GRID1: variants seen among roughly 807,000 people sequenced by gnomAD.
GRID1 encodes glutamate receptor ionotropic, delta-1.
GRID1 carries 28 observed loss-of-function variants against 98.0 expected under a neutral mutation model. The ratio of observed to expected loss-of-function variants is 0.29; its 90% CI spans 0.21 to 0.39. The LOEUF (loss-of-function observed/expected upper bound fraction) is 0.39. Among genes scored for constraint, GRID1 ranks in the 10% least tolerant of loss-of-function variants. The pLI is 1.00. For synonymous variants in GRID1, 553 were observed against 538.5 expected (o/e 1.03, Z -0.37); for missense variants, 1,111 against 1,340.5 (o/e 0.83, Z 2.67).
chr10:85,993,659 G>A (rs2131869830), intron 4 of GRID1, among the ~76,000 whole-genome samples: 1 of 152,242 alleles, frequency 6.6e-6, no homozygotes, highest in African/African-American at 2.4e-5. Flanking sequence ...GAAGAAGAAG[G>A]AGAAGAAAAT....
intron 5 of GRID1, among the ~76,000 whole-genome samples, chr10:85,878,085 A>T (rs1444402150): frequency 2.6e-5 from 4 of 152,204 alleles, no homozygotes; most frequent in African/African-American, 4.8e-5. Flanking sequence ...GAATAAAAAG[A>T]AAGGAACAAA....
chr10:85,913,907 G>C (rs1022099036), intron 5 of GRID1, among the ~76,000 whole-genome samples: 12 of 152,204 alleles, frequency 7.9e-5, no homozygotes, highest in Non-Finnish European at 1.8e-4. Flanking sequence ...ACATTTGGAG[G>C]AGGACACACT....
At chr10:85,886,365 T>A (rs1384117973) in intron 5 of GRID1, among the ~76,000 whole-genome samples, 1 of 152,188 alleles carries the variant, frequency 6.6e-6, no homozygotes, top group African/African-American at 2.4e-5. Context: ...TCTGAACCAT[T>A]TGTAAAGTGA....
chr10:86,090,639 A>AG (rs1844132296), intron 4 of GRID1, among the ~76,000 whole-genome samples: 1 of 152,188 alleles, frequency 6.6e-6, no homozygotes. Flanking sequence ...GAAACATGAC[A>AG]GACAGGAGGC....
At chr10:85,773,408 T>G (rs1389223221) in intron 8 of GRID1, among the ~76,000 whole-genome samples, 2 of 152,188 alleles carry the variant, frequency 1.3e-5, no homozygotes, top group Non-Finnish European at 1.5e-5. Flanking sequence ...CTTTGAAAAC[T>G]GGCACAAGAC....
chr10:86,233,140 G>A lies in GRID1; in HGVS notation c.236-26492C>T, dbSNP rs1195966236. On this transcript the variant is annotated intron_variant, in intron 2 of 15. Transcript: ENST00000327946. ...GGATGTGACACCCACTGAAGTGGCC[G>A]GCTGGAGCGTTTTAGGGAAAGCTGA... Among the ~76,000 whole-genome samples the A allele has an allele frequency of 4.1e-4, 62 of 151,966 alleles. 1 individual carries two copies. Among genetic ancestry groups the A allele is most frequent in the Admixed American group, 3.6e-3 (55 of 15,268 alleles).
At chr10:86,144,328 A>G (rs1344845060) in intron 3 of GRID1, among the ~76,000 whole-genome samples, 1 of 152,140 alleles carries the variant, frequency 6.6e-6, no homozygotes, top group Non-Finnish European at 1.5e-5. Flanking sequence ...CAGCACACAG[A>G]AAGTTCCAGA....
chr10:85,662,015 T>C (rs941916156), intron 12 of GRID1, among the ~76,000 whole-genome samples: 1 of 152,228 alleles, frequency 6.6e-6, no homozygotes, highest in African/African-American at 2.4e-5. Flanking sequence ...GGTTTCCTTC[T>C]GCCATGTTCA....
chr10:86,056,812 C>T (rs1009346782), intron 4 of GRID1, among the ~76,000 whole-genome samples: 1 of 152,180 alleles, frequency 6.6e-6, no homozygotes, highest in Non-Finnish European at 1.5e-5. Context: ...GGCAGCCTGG[C>T]AGGCCCTTCC....
At chr10:85,713,341 G>A (rs534603447) in intron 12 of GRID1, among the ~76,000 whole-genome samples, 1 of 151,836 alleles carries the variant, frequency 6.6e-6, no homozygotes, top group East Asian at 1.9e-4. Flanking sequence ...ACAACCTACT[G>A]AGACTGATTG....
At chr10:85,727,024 G>C (rs901325648) in intron 10 of GRID1, among the ~76,000 whole-genome samples, 1 of 152,234 alleles carries the variant, frequency 6.6e-6, no homozygotes, top group African/African-American at 2.4e-5. Context: ...CCTGTGCTGT[G>C]AGAGTAAAAG....
chr10:85,683,765 G>C (rs1326153488), intron 12 of GRID1, among the ~76,000 whole-genome samples: 1 of 152,170 alleles, frequency 6.6e-6, no homozygotes, highest in Non-Finnish European at 1.5e-5. Context: ...TTTTGGCCCA[G>C]ATAGCTTCAC....
At chr10:85,841,169 C>A (rs992795880) in intron 8 of GRID1, among the ~76,000 whole-genome samples, 2 of 152,024 alleles carry the variant, frequency 1.3e-5, no homozygotes, top group Non-Finnish European at 2.9e-5. Context: ...GAAAAGAAAA[C>A]CCACAAATAA....
At chr10:86,050,076 C>T (rs1843480324) in intron 4 of GRID1, among the ~76,000 whole-genome samples, 1 of 152,198 alleles carries the variant, frequency 6.6e-6, no homozygotes, top group South Asian at 2.1e-4. Context: ...TGTGTTCCTA[C>T]CAGACTCAGC....
chr10:86,286,080 G>C (rs1231048829), intron 2 of GRID1, among the ~76,000 whole-genome samples: 1 of 152,188 alleles, frequency 6.6e-6, no homozygotes, highest in Non-Finnish European at 1.5e-5. Flanking sequence ...GGATACGTTA[G>C]ATGTAGGCTG....
chr10:86,261,360 G>T (rs1847013395), intron 2 of GRID1, among the ~76,000 whole-genome samples: 1 of 152,362 alleles, frequency 6.6e-6, no homozygotes, highest in Non-Finnish European at 1.5e-5. Context: ...GCTGGCCACA[G>T]ACTATCCATT....
chr10:86,123,028 C>T (rs944286081), intron 4 of GRID1, among the ~76,000 whole-genome samples: 5 of 152,210 alleles, frequency 3.3e-5, no homozygotes, highest in Non-Finnish European at 7.3e-5. Context: ...TGAAAGGTGC[C>T]CAGCTTTGAG....
At position 85,801,404 on chromosome 10, in the gene GRID1, T is replaced by G. The variant is rs570260166; in HGVS notation, c.1233+53092A>C. Among the ~76,000 whole-genome samples, 12 of 151,986 alleles carry G rather than the reference T, an allele frequency of 7.9e-5. No homozygotes were observed. In the South Asian group the frequency reaches 2.3e-3, roughly 29 times the overall value. The stretch of plus-strand genomic sequence containing the variant: ...TGATCTGAAAAGAAATAAAAATTAT[T>G]CAAGAAGAAAATTTTACAGGACTAT... On this transcript the variant is annotated intron_variant, in intron 8 of 15. Coordinates refer to ENST00000327946, the MANE Select transcript of GRID1 (RefSeq NM_017551.3).
intron 2 of GRID1, among the ~76,000 whole-genome samples, chr10:86,207,088 A>C (rs1024066260): frequency 6.6e-6 from 1 of 152,216 alleles, no homozygotes; most frequent in African/African-American, 2.4e-5. Flanking sequence ...CAGGCAGAGA[A>C]TATACTGTGT....
Sources: allele counts gnomAD v4.1 joint callset (sites outside exome capture counted in the v4.1 genomes callset), GRCh38; gene constraint gnomAD v4.1.1; transcripts MANE v1.5; gene names NCBI Gene and HGNC (gene_info 2026-07-23, HGNC 2026-07-21).